SNX8: variants seen among roughly 807,000 people sequenced by gnomAD.
SNX8 encodes sorting nexin-8.
Under a neutral mutation model 51.6 loss-of-function variants are expected in SNX8, and 25 were observed. The ratio of observed to expected loss-of-function variants is 0.48; its 90% CI spans 0.35 to 0.68. SNX8 has a LOEUF of 0.68. Among genes scored for constraint, SNX8 ranks in the 30% least tolerant of loss-of-function variants. The pLI, the probability that SNX8 is intolerant of heterozygous loss-of-function variation, is 0.00. For synonymous variants in SNX8, 324 were observed against 277.0 expected, an observed-to-expected ratio of 1.17 and a Z score of -1.68; for missense variants, 695 against 624.0, an observed-to-expected ratio of 1.11 and a Z score of -1.21.
chr7:2,256,482 C>T (rs1351113211), intron 10 of SNX8, among the ~76,000 whole-genome samples: 1 of 152,256 alleles, frequency 6.6e-6, no homozygotes, highest in African/African-American at 2.4e-5. Context: ...AAGGAACCGC[C>T]ATCTGCTCTG....
chr7:2,296,769 A>G (rs1796282129), intron 1 of SNX8, among the ~76,000 whole-genome samples: 1 of 151,726 alleles, frequency 6.6e-6, no homozygotes, highest in African/African-American at 2.4e-5. Context: ...CATCTCTACA[A>G]AAATACAAAA....
chr7:2,335,694 T>G (rs2115240288), intron 1 of SNX8, among the ~76,000 whole-genome samples: 1 of 150,916 alleles, frequency 6.6e-6, no homozygotes, highest in African/African-American at 2.4e-5. Context: ...TCCCAGCCAC[T>G]TGGGAGGCTG....
rs537292121 is a variant in SNX8, at chr7:2,256,653, G to GC, written c.1284+220dup. ...ACTCTCCCTGTCTGCTCCTCCCTCC[G>GC]CCCCCCAGGAATCACAGGGACACCC... is the stretch of plus-strand genomic sequence containing the variant. On this transcript the variant is annotated intron_variant, in intron 10 of 10. Transcript: ENST00000222990. Among the ~76,000 whole-genome samples the GC allele has an allele frequency of 9.9e-5, 15 of 152,208 alleles. No homozygotes were observed. In the East Asian group the frequency reaches 2.3e-3, roughly 23 times the overall value.
Position 2,257,015 on chromosome 7 carries a change from G to A in SNX8, c.1143C>T (p.Asn381=), listed in dbSNP as rs748939063. 1.3e-5 allele frequency: 21 copies of A among 1,604,744 alleles called. No individual in the cohort carries two copies. The East Asian group carries it at 4.7e-4, about 36-fold the overall frequency. The change falls in exon 10 of 11, where the codon AAC becomes AAT. Residue 381 remains asparagine (N), a synonymous_variant. Transcript: ENST00000222990. ...QLESRIVEQE[N]AIQTMELRNY... is the part of the protein sequence containing the mutation. ...TCCGCAGCTCCATCGTCTGAATCGC[G>A]TTCTCCTGCTGCGGAGCAAACAGCC...
At chr7:2,302,812 G>A (rs1398912844) in intron 1 of SNX8, among the ~76,000 whole-genome samples, 2 of 151,428 alleles carry the variant, frequency 1.3e-5, no homozygotes, top group African/African-American at 4.9e-5. Flanking sequence ...TGGGAGGTGA[G>A]GAGCGTCTCT....
At chr7:2,307,950 C>A (rs1160370387) in intron 1 of SNX8, 1 of 151,960 alleles carries the variant, frequency 6.6e-6, no homozygotes. Context: ...TTCTTGCTAA[C>A]CACAAATTCT....
At chr7:2,312,563 G>A (rs1796678366) in intron 1 of SNX8, among the ~76,000 whole-genome samples, 1 of 152,088 alleles carries the variant, frequency 6.6e-6, no homozygotes, top group African/African-American at 2.4e-5. Context: ...GACCCATTCT[G>A]AAAGGCCCTT....
chr7:2,296,490 G>C (rs755371714), intron 1 of SNX8, among the ~76,000 whole-genome samples: 1 of 151,884 alleles, frequency 6.6e-6, no homozygotes, highest in Non-Finnish European at 1.5e-5. Flanking sequence ...GGAGTCTTGA[G>C]GGTGTTCTAG....
chr7:2,261,953 C>G (rs1430073737), intron 7 of SNX8, among the ~76,000 whole-genome samples: 1 of 151,876 alleles, frequency 6.6e-6, no homozygotes, highest in Non-Finnish European at 1.5e-5. Context: ...TCTGATCACT[C>G]TCTTCAAACT....
intron 1 of SNX8, among the ~76,000 whole-genome samples, chr7:2,301,155 C>T (rs1002497971): frequency 6.6e-6 from 1 of 152,350 alleles, no homozygotes; most frequent in Admixed American, 6.5e-5. Flanking sequence ...GTGCAACTAT[C>T]TCCCTCTAAG....
intron 1 of SNX8, among the ~76,000 whole-genome samples, chr7:2,286,854 T>A (rs552425496): frequency 6.6e-6 from 1 of 151,998 alleles, no homozygotes; most frequent in Non-Finnish European, 1.5e-5. Context: ...AAAAATTAAT[T>A]TTTTGGCCAG....
intron 1 of SNX8, among the ~76,000 whole-genome samples, chr7:2,334,432 T>C (rs1183368528): frequency 6.7e-6 from 1 of 148,568 alleles, no homozygotes; most frequent in East Asian, 2.0e-4. Context: ...GCACAGTGGC[T>C]CGCGCCTGTA....
At chr7:2,303,766 A>G (rs564404561) in intron 1 of SNX8, among the ~76,000 whole-genome samples, 2 of 152,076 alleles carry the variant, frequency 1.3e-5, no homozygotes, top group East Asian at 3.9e-4. Context: ...CATGCTCGTT[A>G]AGAGTCATCA....
Position 2,307,273 on chromosome 7 carries a change from A to AT in SNX8, c.94+7054dup, listed in dbSNP as rs11322022. 3.3e-3 allele frequency among the ~76,000 whole-genome samples: 487 copies of AT among 148,754 alleles called. 4 individuals carry two copies. The highest frequency in any genetic ancestry group is 7.0e-3 in the Middle Eastern group (2 of 286). On this transcript the variant is annotated intron_variant, in intron 1 of 10. Transcript: ENST00000222990. ...TCTGCCCTTTAAGTCTGGTTATGTGATTTTTTTTTTTTTGGTGATTCTATA... is the reference window on the plus strand; with the variant it reads ...TCTGCCCTTTAAGTCTGGTTATGTGATTTTTTTTTTTTTTGGTGATTCTATA...
At chr7:2,260,676 G>T (rs949645988) in intron 7 of SNX8, among the ~76,000 whole-genome samples, 3 of 152,168 alleles carry the variant, frequency 2.0e-5, no homozygotes, top group African/African-American at 7.2e-5. Flanking sequence ...CGACTGAACA[G>T]CAAGGGTGAG....
intron 1 of SNX8, among the ~76,000 whole-genome samples, chr7:2,313,929 G>A (rs948606255): frequency 9.2e-5 from 14 of 152,250 alleles, no homozygotes; most frequent in African/African-American, 3.4e-4. Context: ...CCCAAGTCCG[G>A]GGAAGTGGCC....
At chr7:2,304,497 T>C (rs1335292614) in intron 1 of SNX8, among the ~76,000 whole-genome samples, 4 of 150,336 alleles carry the variant, frequency 2.7e-5, no homozygotes, top group African/African-American at 9.8e-5. Flanking sequence ...CGAGCGGAGA[T>C]TGCCCCACTG....
intron 6 of SNX8, among the ~76,000 whole-genome samples, chr7:2,263,755 C>G (rs538296864): frequency 2.4e-4 from 37 of 152,270 alleles, no homozygotes; most frequent in African/African-American, 8.2e-4. Context: ...GCTGTATCAC[C>G]CAGGCTGGAG....
At chr7:2,316,895 T>G (rs888084501), upstream of SNX8, among the ~76,000 whole-genome samples, 1 of 152,238 alleles carries the variant, frequency 6.6e-6, no homozygotes, top group African/African-American at 2.4e-5. Flanking sequence ...TGCTGGGTGC[T>G]GAGAATACAA....
Sources: allele counts gnomAD v4.1 joint callset (sites outside exome capture counted in the v4.1 genomes callset), GRCh38; gene constraint gnomAD v4.1.1; transcripts MANE v1.5; gene names NCBI Gene and HGNC (gene_info 2026-07-23, HGNC 2026-07-21).